HDAC9: variants seen among roughly 807,000 people sequenced by gnomAD.
HDAC9 encodes the protein MEF-2 interacting transcription repressor (MITR) protein.
A neutral mutation model predicts 139.4 loss-of-function variants in HDAC9; 41 were observed. The ratio of observed to expected loss-of-function variants is 0.29; its 90% CI spans 0.23 to 0.38. The LOEUF is 0.38. HDAC9 is among the 10% of genes least tolerant of loss of function. The probability of loss-of-function intolerance (pLI) is 1.00; values close to 1 mark genes in which losing one functional copy is unlikely to be tolerated. For synonymous variants in HDAC9, 517 were observed against 476.2 expected (o/e 1.09, Z -1.12); for missense variants, 1,147 against 1,297.0 (o/e 0.88, Z 1.78).
chr7:18,745,798 G>A (rs531727291), intron 13 of HDAC9, among the ~76,000 whole-genome samples: 9 of 151,162 alleles, frequency 6.0e-5, no homozygotes, highest in Non-Finnish European at 1.0e-4. Flanking sequence ...CATCCGCCTC[G>A]GCCTCCCAAA....
At chr7:18,382,169 A>G (rs985618918) in intron 1 of HDAC9, among the ~76,000 whole-genome samples, 21 of 152,018 alleles carry the variant, frequency 1.4e-4, no homozygotes, top group Non-Finnish European at 2.9e-4. Context: ...TCTATTCCAT[A>G]TCTTAAAAAA....
intron 2 of HDAC9, among the ~76,000 whole-genome samples, chr7:18,222,735 A>G (rs937604369): frequency 6.6e-6 from 1 of 152,058 alleles, no homozygotes; most frequent in African/African-American, 2.4e-5. Flanking sequence ...GCTTTTTCTT[A>G]TTGAAAATTG....
chr7:18,750,364 A>T (rs1161416218), intron 14 of HDAC9, among the ~76,000 whole-genome samples: 3 of 152,030 alleles, frequency 2.0e-5, no homozygotes, highest in African/African-American at 7.3e-5. Context: ...TGTCTTATGG[A>T]TCGCTCAGTA....
intron 16 of HDAC9, among the ~76,000 whole-genome samples, chr7:18,787,486 A>C (rs1791920340): frequency 1.3e-5 from 2 of 152,206 alleles, no homozygotes; most frequent in South Asian, 4.1e-4. Flanking sequence ...ATTTCTCAGC[A>C]GACTACTAAA....
At chr7:18,200,933 C>G (rs1475081949) in intron 2 of HDAC9, among the ~76,000 whole-genome samples, 1 of 152,124 alleles carries the variant, frequency 6.6e-6, no homozygotes, top group Non-Finnish European at 1.5e-5. Context: ...TTTCATTTTT[C>G]ACTTTGAAGG....
intron 1 of HDAC9, among the ~76,000 whole-genome samples, chr7:18,476,140 A>C (rs891674633): frequency 2.0e-5 from 3 of 152,120 alleles, no homozygotes; most frequent in African/African-American, 7.2e-5. Flanking sequence ...TTTGGATGCT[A>C]TTATATTTAA....
intron 21 of HDAC9, among the ~76,000 whole-genome samples, chr7:18,837,786 A>G (rs894422555): frequency 6.6e-6 from 1 of 152,110 alleles, no homozygotes; most frequent in African/African-American, 2.4e-5. Context: ...ATTCCATTAC[A>G]TAATGTAAAC....
At chr7:18,951,518 C>T (rs1345812876) in intron 23 of HDAC9, among the ~76,000 whole-genome samples, 1 of 151,708 alleles carries the variant, frequency 6.6e-6, no homozygotes, top group African/African-American at 2.4e-5. Context: ...AATGGCATGA[C>T]GGGTGTGTAC....
intron 2 of HDAC9, among the ~76,000 whole-genome samples, chr7:18,561,392 T>G (rs150382262): frequency 1.0e-3 from 156 of 152,356 alleles, no homozygotes; most frequent in African/African-American, 3.5e-3. Flanking sequence ...CCTTTTGTTA[T>G]GCCTAGAGCT....
chr7:18,720,183 T>C (rs181747722), intron 12 of HDAC9, among the ~76,000 whole-genome samples: 13 of 152,240 alleles, frequency 8.5e-5, no homozygotes, highest in East Asian at 5.8e-4. Flanking sequence ...ACTGGTATAA[T>C]TTATGTTCTT....
At chr7:18,403,704 A>T (rs1477813580) in intron 1 of HDAC9, among the ~76,000 whole-genome samples, 2 of 152,214 alleles carry the variant, frequency 1.3e-5, no homozygotes, top group African/African-American at 4.8e-5. Flanking sequence ...CAAGGTTCTG[A>T]TCTGGTACAC....
At chr7:18,641,815 T>A (rs904401722) in intron 8 of HDAC9, among the ~76,000 whole-genome samples, 1 of 152,058 alleles carries the variant, frequency 6.6e-6, no homozygotes, top group Non-Finnish European at 1.5e-5. Flanking sequence ...TTGTGTCAGG[T>A]GAATGGTACC....
intron 2 of HDAC9, among the ~76,000 whole-genome samples, chr7:18,274,830 G>A (rs555564016): frequency 1.3e-5 from 2 of 152,176 alleles, no homozygotes; most frequent in East Asian, 1.9e-4. Flanking sequence ...ATTCTTTAAG[G>A]TTATGTACAT....
intron 12 of HDAC9, among the ~76,000 whole-genome samples, chr7:18,716,675 A>G (rs1287327826): frequency 6.6e-6 from 1 of 152,168 alleles, no homozygotes; most frequent in African/African-American, 2.4e-5. Context: ...CCAACATTCT[A>G]CCCAATTGAG....
chr7:18,278,389 G>C (rs981979649), intron 2 of HDAC9, among the ~76,000 whole-genome samples: 6 of 152,176 alleles, frequency 3.9e-5, no homozygotes, highest in African/African-American at 1.4e-4. Context: ...AATAATGGAA[G>C]AACATGGTAG....
intron 2 of HDAC9, among the ~76,000 whole-genome samples, chr7:18,180,878 C>T (rs1054619000): frequency 6.6e-5 from 10 of 152,186 alleles, no homozygotes; most frequent in African/African-American, 2.4e-4. Flanking sequence ...CTCCAGGGGA[C>T]AATCTGTTTC....
intron 21 of HDAC9, among the ~76,000 whole-genome samples, chr7:18,856,891 A>C (rs1386976242): frequency 6.6e-6 from 1 of 152,126 alleles, no homozygotes; most frequent in Non-Finnish European, 1.5e-5. Context: ...GGTAGTATTC[A>C]TTTGCCACCT....
At chr7:18,931,232 A>G (rs1346117614) in intron 22 of HDAC9, among the ~76,000 whole-genome samples, 3 of 152,126 alleles carry the variant, frequency 2.0e-5, no homozygotes, top group Non-Finnish European at 4.4e-5. Flanking sequence ...AACATTTCTA[A>G]GCATTAGGGA....
intron 2 of HDAC9, among the ~76,000 whole-genome samples, chr7:18,521,588 G>A (rs1003365716): frequency 6.6e-6 from 1 of 152,012 alleles, no homozygotes; most frequent in Non-Finnish European, 1.5e-5. Flanking sequence ...ATCCCAAATG[G>A]CATTTATCAC....
Sources: gnomAD v4.1 joint callset for allele counts (sites outside exome capture counted in the v4.1 genomes callset) on GRCh38, gnomAD v4.1.1 for gene constraint, MANE v1.5 for transcripts, NCBI Gene and HGNC (gene_info 2026-07-23, HGNC 2026-07-21) for gene names.